Variants in CHD9 observed in about 807,000 individuals in gnomAD.
CHD9 encodes the protein chromodomain helicase DNA binding protein 9, also known as ATP-dependent chromatin remodeler CHD9.
In CHD9, 77 loss-of-function variants were observed where a neutral mutation model predicts 316.1. The observed-to-expected ratio is 0.24, with a 90% confidence interval of 0.20 to 0.29. CHD9 has a LOEUF of 0.29. CHD9 is among the 10% of genes least tolerant of loss of function. The probability of loss-of-function intolerance (pLI) is 1.00; values close to 1 mark genes in which losing one functional copy is unlikely to be tolerated. For missense variants in CHD9, 2,763 were observed against 3,438.1 expected, an observed-to-expected ratio of 0.80 and a Z score of 4.91; for synonymous variants, 1,129 against 1,158.3, an observed-to-expected ratio of 0.97 and a Z score of 0.51.
intron 10 of CHD9, among the ~76,000 whole-genome samples, chr16:53,233,145 C>T (rs1287976555): frequency 6.6e-6 from 1 of 152,144 alleles, no homozygotes; most frequent in Non-Finnish European, 1.5e-5. Flanking sequence ...TCCCACAAGA[C>T]TGCCCCCTCC....
intron 1 of CHD9, among the ~76,000 whole-genome samples, chr16:53,068,862 G>A (rs758140962): frequency 3.3e-5 from 5 of 152,200 alleles, no homozygotes; most frequent in South Asian, 2.1e-4. Flanking sequence ...TCTGTGGGCC[G>A]AACTTTGCAG....
At chr16:53,064,981 G>GAA (rs889865254) in intron 1 of CHD9, among the ~76,000 whole-genome samples, 1 of 151,364 alleles carries the variant, frequency 6.6e-6, no homozygotes, top group African/African-American at 2.4e-5. Context: ...AAGAAAGAAA[G>GAA]AGAGAGAGAG....
At chr16:53,164,843 C>T (rs60951033) in intron 2 of CHD9, among the ~76,000 whole-genome samples, 4,936 of 151,910 alleles carry the variant, frequency 0.032, 101 homozygotes, top group Middle Eastern at 0.071. Flanking sequence ...TTAGTAGAGA[C>T]GGGGTTTCTC....
chr16:53,087,348 G>T (rs2035548037), intron 1 of CHD9, among the ~76,000 whole-genome samples: 1 of 152,104 alleles, frequency 6.6e-6, no homozygotes, highest in South Asian at 2.1e-4. Context: ...TGACTGCAGG[G>T]GAATCAGGGC....
At chr16:53,175,586 G>A (rs2043047159) in intron 2 of CHD9, among the ~76,000 whole-genome samples, 1 of 152,128 alleles carries the variant, frequency 6.6e-6, no homozygotes, top group Non-Finnish European at 1.5e-5. Flanking sequence ...TCATAATATG[G>A]AATTGTCATA....
In CHD9 at chr16:53,198,267, G is replaced by A. The variant is rs577757895; in HGVS notation, c.1453-11215G>A. On this transcript the variant is annotated intron_variant, in intron 2 of 38. Coordinates refer to ENST00000447540, the MANE Select transcript of CHD9 (RefSeq NM_001308319.2). ...TAAATTTCTTTCTGAGAGACTACAC[G>A]TCCATTGTTCTAACATCAAGTAGCA... 1.7e-4 allele frequency among the ~76,000 whole-genome samples: 26 copies of A among 150,400 alleles called. No individual in the cohort carries two copies. In the South Asian group the frequency reaches 4.0e-3, roughly 23 times the overall value.
chr16:53,300,261 G>A (rs958828807), intron 30 of CHD9, among the ~76,000 whole-genome samples: 2 of 152,092 alleles, frequency 1.3e-5, no homozygotes, highest in African/African-American at 4.8e-5. Context: ...GCTGAGGCAG[G>A]AGAATCGCTT....
intron 1 of CHD9, among the ~76,000 whole-genome samples, chr16:53,094,389 G>A (rs1018911204): frequency 5.9e-5 from 9 of 152,142 alleles, no homozygotes; most frequent in Non-Finnish European, 7.4e-5. Context: ...GCCAGCCACC[G>A]CACAGAGAGA....
chr16:53,255,017 G>A (rs973620173), intron 18 of CHD9, among the ~76,000 whole-genome samples: 1 of 151,914 alleles, frequency 6.6e-6, no homozygotes, highest in Admixed American at 6.6e-5. Context: ...TCGGTAATAG[G>A]ATCCTAGTAC....
In CHD9 at chr16:53,227,387, C is replaced by G. The variant is rs1017184749; in HGVS notation, c.2044-9C>G. 1.3e-6 allele frequency: 2 copies of G among 1,543,130 alleles called. No individual in the cohort carries two copies. The highest frequency in any genetic ancestry group is 1.8e-6 in the Non-Finnish European group (2 of 1,139,126). On this transcript the variant is annotated splice_polypyrimidine_tract_variant and intron_variant, in intron 5 of 38. Transcript: ENST00000447540. ...TGTTCTGTCATTATTTCTTTCCTCC[C>G]TCCCATAGGAGAATCCGAGTGAAGA...
At chr16:53,109,931 G>T (rs537479182) in intron 1 of CHD9, among the ~76,000 whole-genome samples, 1 of 151,682 alleles carries the variant, frequency 6.6e-6, no homozygotes, top group Non-Finnish European at 1.5e-5. Context: ...TGATCCGCCC[G>T]CCTCGGCCTC....
intron 2 of CHD9, among the ~76,000 whole-genome samples, chr16:53,198,803 T>A (rs915166464): frequency 1.3e-5 from 2 of 152,210 alleles, no homozygotes; most frequent in African/African-American, 2.4e-5. Flanking sequence ...CACATAGATG[T>A]GTTCCTCTGT....
At chr16:53,300,999 G>A (rs557379389) in intron 30 of CHD9, among the ~76,000 whole-genome samples, 1 of 152,134 alleles carries the variant, frequency 6.6e-6, no homozygotes, top group Non-Finnish European at 1.5e-5. Context: ...CTTGAGCCTG[G>A]GAGGCGGAGG....
intron 11 of CHD9, among the ~76,000 whole-genome samples, 194 bp downstream of exon 11, chr16:53,235,500 A>G (rs2048545296): frequency 6.6e-6 from 1 of 152,120 alleles, no homozygotes; most frequent in Admixed American, 6.6e-5. Context: ...ATGTATACCA[A>G]TCAGAATAGA....
chr16:53,238,690 A>G, intron 12 of CHD9, 104 bp downstream of exon 12: 1 of 1,138,442 alleles, frequency 8.8e-7, no homozygotes, highest in African/African-American at 1.5e-5. Context: ...TTAATTGCCT[A>G]CCTAGATCTT....
chr16:53,099,561 C>T (rs2036662008), intron 1 of CHD9, among the ~76,000 whole-genome samples: 1 of 152,122 alleles, frequency 6.6e-6, no homozygotes, highest in East Asian at 1.9e-4. Flanking sequence ...CAGAGGTCAT[C>T]TTATCCTTCC....
chr16:53,303,651 T>C, intron 30 of CHD9, 69 bp from the exon 31 acceptor site: 1 of 1,131,228 alleles, frequency 8.8e-7, no homozygotes, highest in Admixed American at 3.0e-5. Flanking sequence ...TAAAGATGTA[T>C]TTATAATGAT....
chr16:53,075,343 T>TG (rs1387371451), intron 1 of CHD9, among the ~76,000 whole-genome samples: 1 of 152,178 alleles, frequency 6.6e-6, no homozygotes, highest in Non-Finnish European at 1.5e-5. Flanking sequence ...TTGGGGTTAA[T>TG]GCTGAAATGA....
In CHD9 at chr16:53,308,840, C is replaced by T. The variant is rs1479919714; in HGVS notation, c.7208C>T (p.Ser2403Phe). 2 of 1,613,064 alleles carry T rather than the reference C, an allele frequency of 1.2e-6. No homozygotes were observed. The highest frequency in any genetic ancestry group is 1.7e-5 in the Admixed American group (1 of 59,960). Residue 2403 changes from serine to phenylalanine, a missense_variant, in exon 34 of 39, where the codon TCC (serine) becomes TTC (phenylalanine). Physicochemically the swap from Ser to Phe is radical, Grantham distance 155. Coordinates refer to ENST00000447540, the MANE Select transcript of CHD9 (RefSeq NM_001308319.2). ...ACCAGCCTCGTCAATTTCCCAAAATCCATACCAGTATCAGGTGAATATGCA... is the reference window on the plus strand; with the variant it reads ...ACCAGCCTCGTCAATTTCCCAAAATTCATACCAGTATCAGGTGAATATGCA... The part of the protein sequence containing the change: ...SETSLVNFPK[S>F]IPVSGTSIQP...
Sources: gnomAD v4.1 joint callset for allele counts (sites outside exome capture counted in the v4.1 genomes callset) on GRCh38, gnomAD v4.1.1 for gene constraint, MANE v1.5 for transcripts, NCBI Gene and HGNC (gene_info 2026-07-23, HGNC 2026-07-21) for gene names.